CD207: variants seen among roughly 807,000 people sequenced by gnomAD.
The protein encoded by CD207 is CD207 molecule, also known as C-type lectin domain family 4 member K.
CD207 carries 28 observed loss-of-function variants against 31.6 expected under a neutral mutation model. The observed-to-expected ratio is 0.89, with a 90% confidence interval of 0.66 to 1.21. The LOEUF (loss-of-function observed/expected upper bound fraction) is 1.21. Among genes scored for constraint, CD207 ranks in the 50% most tolerant of loss-of-function variants. CD207 has a pLI of 0.00. For synonymous variants in CD207, 168 were observed against 153.9 expected (o/e 1.09, Z -0.68); for missense variants, 388 against 397.8 (o/e 0.98, Z 0.21).
At chr2:70,833,135 C>T in intron 3 of CD207, 84 bp from the exon 4 acceptor site, 1 of 1,306,374 alleles carries the variant, frequency 7.7e-7, no homozygotes, top group Non-Finnish European at 1.1e-6. Context: ...AATGAGGTCT[C>T]AGAGACAGCA....
At chr2:70,825,485 C>T (rs1369630829), downstream of CD207, among the ~76,000 whole-genome samples, 3 of 152,152 alleles carry the variant, frequency 2.0e-5, no homozygotes, top group Non-Finnish European at 4.4e-5. Flanking sequence ...TAGAAACTCT[C>T]TGTATTATCT....
chr2:70,831,585 C>G (rs1440780100), intron 5 of CD207, 116 bp downstream of exon 5: 1 of 745,574 alleles, frequency 1.3e-6, no homozygotes, highest in Non-Finnish European at 2.4e-6. Flanking sequence ...TCCTGTCACT[C>G]TAAGACAGGG....
At chr2:70,829,766 C>G (rs1216739470), downstream of CD207, among the ~76,000 whole-genome samples, 2 of 152,150 alleles carry the variant, frequency 1.3e-5, no homozygotes, top group Non-Finnish European at 2.9e-5. Flanking sequence ...TTTAAGGAAG[C>G]ATCTTTTCCT....
At chr2:70,826,465 C>A (rs1001317550), downstream of CD207, among the ~76,000 whole-genome samples, 4 of 152,190 alleles carry the variant, frequency 2.6e-5, no homozygotes, top group African/African-American at 7.2e-5. Flanking sequence ...CAGCCTCAAT[C>A]TCTTGAGCCC....
the CD207 span, among the ~76,000 whole-genome samples, chr2:70,824,386 C>A: frequency 0.6 from 91,205 of 151,032 alleles, 27,999 homozygotes; most frequent in Middle Eastern, 0.69. Context: ...ATGATCTTTT[C>A]AAAAAAAATT....
Position 70,830,936 on chromosome 2 carries a change from T to C in CD207, c.*114A>G. ...CCAGAATGCCACTGTGGGACAATTT[T>C]GAAGCAAGAAAAATTAACGTGCAAA... On this transcript the variant is annotated 3_prime_UTR_variant, in exon 6 of 6. Transcript: ENST00000410009. 4 of 1,029,804 alleles carry C rather than the reference T, an allele frequency of 3.9e-6. No individual in the cohort carries two copies. The highest frequency in any genetic ancestry group is 5.5e-6 in the Non-Finnish European group (4 of 723,488). The allele number at this position is 1,029,804 out of a possible 1,614,324, so 63.8% of individuals were successfully genotyped here. A position where few individuals can be genotyped will look rare whatever the true frequency, so the allele number is the denominator to read the frequency against.
chr2:70,832,563 A>T (rs1304672682), intron 4 of CD207, among the ~76,000 whole-genome samples: 1 of 152,222 alleles, frequency 6.6e-6, no homozygotes, highest in African/African-American at 2.4e-5. Context: ...TAACTTACTT[A>T]ACTTAATTAA....
rs1413136498 is a variant in CD207, at chr2:70,830,835, A to T, written c.*215T>A. On this transcript the variant is annotated 3_prime_UTR_variant, in exon 6 of 6. Transcript: ENST00000410009. ...TAAATCCTCTCTACCCACCCCTCCC[A>T]CTTTAACCTGAATTCTCCTTTCCAT... The T allele has an allele frequency of 5.9e-6, 3 of 511,062 alleles. No individual in the cohort carries two copies. The highest frequency in any genetic ancestry group is 1.0e-5 in the Non-Finnish European group (3 of 287,272). The allele number at this position is 511,062 out of a possible 1,614,324, so 31.7% of individuals were successfully genotyped here.
At chr2:70,825,820 C>A (rs1329314875), downstream of CD207, among the ~76,000 whole-genome samples, 1 of 152,036 alleles carries the variant, frequency 6.6e-6, no homozygotes, top group Non-Finnish European at 1.5e-5. Context: ...CAGGCATGAG[C>A]CACTGAGCCC....
chr2:70,835,570 C>T lies in CD207; in HGVS notation c.111G>A (p.Gly37=). The change falls in exon 2 of 6, where the codon GGG becomes GGA. Residue 37 remains glycine (G), a synonymous_variant. Coordinates refer to ENST00000410009, the MANE Select transcript of CD207 (RefSeq NM_015717.5). The part of the protein sequence containing the change: ...PPKSGPSLVP[G]KTPTVRAALI... Reference sequence around the variant, plus strand: ...ATGCAGCACGGACTGTGGGTGTTTTCCCCGGGACCAGAGATGGACCGGACT... The same window carrying T: ...ATGCAGCACGGACTGTGGGTGTTTTTCCCGGGACCAGAGATGGACCGGACT... The T allele has an allele frequency of 6.2e-7, 1 of 1,613,890 alleles. No individual in the cohort carries two copies. The highest frequency in any genetic ancestry group is 8.5e-7 in the Non-Finnish European group (1 of 1,179,800).
At chr2:70,828,212 C>A (rs571286803), downstream of CD207, among the ~76,000 whole-genome samples, 2 of 152,190 alleles carry the variant, frequency 1.3e-5, no homozygotes, top group Non-Finnish European at 2.9e-5. Context: ...GACTAGAGCA[C>A]TATCAATGGT....
intron 2 of CD207, among the ~76,000 whole-genome samples, chr2:70,835,115 T>C (rs1336415209): frequency 6.6e-6 from 1 of 152,038 alleles, no homozygotes; most frequent in Non-Finnish European, 1.5e-5. Context: ...TCAGGAGACA[T>C]TGCACTGTCA....
chr2:70,824,636 A>AAAC, the CD207 span, among the ~76,000 whole-genome samples: 2 of 149,860 alleles, frequency 1.3e-5, no homozygotes, highest in Non-Finnish European at 3.0e-5. Context: ...AAAAAAAAAA[A>AAAC]AAAAAAAAAA....
chr2:70,835,088 C>T (rs1677575269), intron 2 of CD207, among the ~76,000 whole-genome samples: 1 of 152,158 alleles, frequency 6.6e-6, no homozygotes, highest in African/African-American at 2.4e-5. Context: ...ATACATGAGG[C>T]TCGGTCCTTC....
At chr2:70,826,304 G>A (rs1274951858), downstream of CD207, among the ~76,000 whole-genome samples, 5 of 152,060 alleles carry the variant, frequency 3.3e-5, no homozygotes, top group African/African-American at 1.2e-4. Context: ...CAAATCAAAG[G>A]TCTCACATGG....
downstream of CD207, among the ~76,000 whole-genome samples, chr2:70,826,618 A>G (rs539230734): frequency 1.3e-5 from 2 of 152,212 alleles, no homozygotes; most frequent in South Asian, 2.1e-4. Flanking sequence ...GCCTCAAGTG[A>G]TCCTCCTGCC....
chr2:70,835,728 G>T lies in CD207; in HGVS notation c.49C>A (p.Gln17Lys). The change falls in exon 1 of 6, where the codon CAG (glutamine) becomes AAG (lysine). Residue 17 changes from glutamine to lysine, a missense_variant. Transcript: ENST00000410009. The stretch of plus-strand genomic sequence containing the variant: ...CCTCGGGGCCAGAGGGAGATGTTCT[G>T]TTTGTCCACAGTGAAGTGCGCATCA... ...APDAHFTVDK[Q>K]NISLWPREPP... 6.2e-7 allele frequency: 1 copy of T among 1,613,348 alleles called. No homozygotes were observed. Among genetic ancestry groups the T allele is most frequent in the Non-Finnish European group, 8.5e-7 (1 of 1,179,668 alleles).
chr2:70,828,221 G>C (rs550531587), downstream of CD207, among the ~76,000 whole-genome samples: 4 of 152,326 alleles, frequency 2.6e-5, no homozygotes, highest in South Asian at 8.3e-4. Flanking sequence ...ACTATCAATG[G>C]TGGGACTTCC....
In CD207 at chr2:70,832,777, C is replaced by A. The variant is rs1677506168; in HGVS notation, c.717+123G>T. The A allele has an allele frequency of 9.9e-6, 10 of 1,005,560 alleles. No individual in the cohort carries two copies. The South Asian group carries it at 2.0e-4, about 20-fold the overall frequency. The allele number at this position is 1,005,560 out of a possible 1,614,324, so 62.3% of individuals were successfully genotyped here. On this transcript the variant is annotated intron_variant, in intron 4 of 5. Coordinates refer to ENST00000410009, the MANE Select transcript of CD207 (RefSeq NM_015717.5). Reference sequence around the variant, plus strand: ...CCTTATTCGACATGCTACTGAGAACCAATCCTTCTTCATTAGGTCATCAAT... The same window carrying A: ...CCTTATTCGACATGCTACTGAGAACAAATCCTTCTTCATTAGGTCATCAAT...
Sources: gnomAD v4.1 joint callset for allele counts (sites outside exome capture counted in the v4.1 genomes callset) on GRCh38, gnomAD v4.1.1 for gene constraint, MANE v1.5 for transcripts, NCBI Gene and HGNC (gene_info 2026-07-23, HGNC 2026-07-21) for gene names.